GRK7: variants seen among roughly 807,000 people sequenced by gnomAD.
The protein encoded by GRK7 is G protein-coupled receptor kinase 7.
Under a neutral mutation model 34.1 loss-of-function variants are expected in GRK7, and 24 were observed. The observed-to-expected ratio is 0.70, with a 90% CI of 0.51 to 0.99. The LOEUF is 0.99. Among genes scored for constraint, GRK7 ranks in the 50% least tolerant of loss-of-function variants. The probability of loss-of-function intolerance (pLI) is 0.00; values close to 1 mark genes in which losing one functional copy is unlikely to be tolerated. For missense variants in GRK7, 644 were observed against 707.3 expected, an observed-to-expected ratio of 0.91 and a Z score of 1.02; for synonymous variants, 256 against 279.4, an observed-to-expected ratio of 0.92 and a Z score of 0.84.
chr3:141,757,129 C>CTTTTTTTTGTTTTTTTTTTTT, the GRK7 span, among the ~76,000 whole-genome samples: 1 of 101,362 alleles, frequency 9.9e-6, no homozygotes, highest in African/African-American at 4.1e-5. Flanking sequence ...AGATCTTCTT[C>CTTTTTTTTGTTTTTTTTTTTT]TTTTTTTTTT....
chr3:141,770,089 A>G (rs986468757), intron 1 of GRK7, among the ~76,000 whole-genome samples: 2 of 151,988 alleles, frequency 1.3e-5, no homozygotes, highest in African/African-American at 4.8e-5. Flanking sequence ...TAATTTTTGT[A>G]TTTTTAGTAA....
chr3:141,778,278 C>T lies in GRK7; in HGVS notation c.-7C>T, dbSNP rs1533500. ...GCTTTCCCTGGGAGTGCGCCCCGTG[C>T]TCAGCCATGGTGGACATGGGGGCCC... is the stretch of plus-strand genomic sequence containing the variant. On this transcript the variant is annotated 5_prime_UTR_variant, in exon 3 of 6. Coordinates refer to ENST00000682958, the MANE Select transcript of GRK7 (RefSeq NM_139209.3). The surrounding 1 kb of genome is among the most constrained non-coding windows in gnomAD (Gnocchi z 4.1). 3,915 of 1,550,760 alleles carry T rather than the reference C, an allele frequency of 2.5e-3. 55 individuals are homozygous for T. The African/African-American group carries it at 0.037, about 15-fold the overall frequency.
Position 141,818,694 on chromosome 3 carries a change from G to A in GRK7, c.*1644G>A, listed in dbSNP as rs924074646. 6.6e-6 allele frequency among the ~76,000 whole-genome samples: 1 copy of A among 152,116 alleles called. No homozygotes were observed. Among genetic ancestry groups the A allele is most frequent in the Non-Finnish European group, 1.5e-5 (1 of 68,034 alleles). On this transcript the variant is annotated 3_prime_UTR_variant, in exon 6 of 6. Coordinates refer to ENST00000682958, the MANE Select transcript of GRK7 (RefSeq NM_139209.3). ...TGATATTTTTTAAAAGGATGTATGTGCACATAATAAAATCTAAATTTATCC... is the reference window on the plus strand; with the variant it reads ...TGATATTTTTTAAAAGGATGTATGTACACATAATAAAATCTAAATTTATCC...
chr3:141,770,199 G>C (rs959402338), intron 1 of GRK7, among the ~76,000 whole-genome samples: 1 of 152,152 alleles, frequency 6.6e-6, no homozygotes, highest in Non-Finnish European at 1.5e-5. Flanking sequence ...GGCTGTTCTA[G>C]AGGTAGGTAT....
At chr3:141,790,315 T>C (rs2084718278) in intron 4 of GRK7, among the ~76,000 whole-genome samples, 1 of 151,918 alleles carries the variant, frequency 6.6e-6, no homozygotes, top group African/African-American at 2.4e-5. Context: ...TGGTTTTTAA[T>C]GCTATAAAAG....
At chr3:141,785,930 C>T (rs1251836888) in intron 4 of GRK7, among the ~76,000 whole-genome samples, 1 of 111,332 alleles carries the variant, frequency 9.0e-6, no homozygotes, top group Non-Finnish European at 1.8e-5. Context: ...CAGAACAATA[C>T]CCTGTCTCAA....
At chr3:141,775,553 A>C (rs1422333627) in intron 2 of GRK7, among the ~76,000 whole-genome samples, 2 of 152,158 alleles carry the variant, frequency 1.3e-5, no homozygotes, top group African/African-American at 4.8e-5. Flanking sequence ...ACATGTGGCT[A>C]CTTATTTCAA....
the GRK7 span, among the ~76,000 whole-genome samples, chr3:141,754,448 T>TG: frequency 1.3e-5 from 2 of 150,972 alleles, no homozygotes; most frequent in Non-Finnish European, 3.0e-5. Flanking sequence ...TTTTTTTTTT[T>TG]TTTTGAGACA....
chr3:141,797,232 C>T lies in GRK7; in HGVS notation c.1051-10413C>T, dbSNP rs1358812603. On this transcript the variant is annotated intron_variant, in intron 4 of 5. Transcript: ENST00000682958. ...AGGAAGCCGCCTCTGATGGGATGCG[C>T]CCTCCCCGCCCAGGAAGTGGCGGCA... is the stretch of plus-strand genomic sequence containing the variant. Among the ~76,000 whole-genome samples, 3 of 152,224 alleles carry T rather than the reference C, an allele frequency of 2.0e-5. No individual in the cohort carries two copies. In the East Asian group the frequency reaches 5.8e-4, roughly 29 times the overall value.
chr3:141,776,498 G>A (rs1337202375), intron 2 of GRK7, among the ~76,000 whole-genome samples: 1 of 152,110 alleles, frequency 6.6e-6, no homozygotes, highest in Admixed American at 6.5e-5. Flanking sequence ...GAACAGAAAA[G>A]TATCCAACAT....
At chr3:141,785,788 A>G (rs1402664792) in intron 4 of GRK7, among the ~76,000 whole-genome samples, 1 of 133,312 alleles carries the variant, frequency 7.5e-6, no homozygotes, top group Non-Finnish European at 1.5e-5. Context: ...ATTGTTTTAA[A>G]CTTAGCCAGG....
intron 4 of GRK7, among the ~76,000 whole-genome samples, chr3:141,806,888 A>G (rs1711042116): frequency 6.6e-6 from 1 of 151,972 alleles, no homozygotes; most frequent in Admixed American, 6.6e-5. Context: ...TGGGTAATTT[A>G]CCATACACAC....
Position 141,780,592 on chromosome 3 carries a change from G to T in GRK7, c.831G>T (p.Lys277Asn). 1 of 1,614,220 alleles carries T rather than the reference G, an allele frequency of 6.2e-7. No individual in the cohort carries two copies. Among genetic ancestry groups the T allele is most frequent in the Non-Finnish European group, 8.5e-7 (1 of 1,180,048 alleles). The change falls in exon 4 of 6, where the codon AAG (lysine) becomes AAT (asparagine). Residue 277 changes from lysine (K) to asparagine (N), a missense_variant. By Grantham distance (94) the Lys-to-Asn change is moderately conservative (BLOSUM62 0). Coordinates refer to ENST00000682958, the MANE Select transcript of GRK7 (RefSeq NM_139209.3). ...GCCTGATGAATGGGGGAGACCTCAA[G>T]TTCCACATCTACAACGTGGGCACGC... ...VMSLMNGGDL[K>N]FHIYNVGTRG...
At chr3:141,759,086 T>A (rs1314700307), upstream of GRK7, among the ~76,000 whole-genome samples, 2 of 143,484 alleles carry the variant, frequency 1.4e-5, no homozygotes, top group Admixed American at 7.2e-5. Flanking sequence ...AGATAAACAA[T>A]CATGTCGTCT....
rs541261332 is a variant in GRK7, at chr3:141,804,652, TAC to T, written c.1051-2985_1051-2984del. On this transcript the variant is annotated intron_variant, in intron 4 of 5. Coordinates refer to ENST00000682958, the MANE Select transcript of GRK7 (RefSeq NM_139209.3). ...ACACACACTCACACACATGCACATA[TAC>T]ACACACATACACATGCACAGATACA... Among the ~76,000 whole-genome samples the T allele has an allele frequency of 2.8e-4, 41 of 146,300 alleles. No individual in the cohort carries two copies. In the South Asian group the frequency reaches 5.3e-3, roughly 19 times the overall value.
chr3:141,808,232 G>C (rs1711056525), intron 5 of GRK7, among the ~76,000 whole-genome samples: 1 of 152,172 alleles, frequency 6.6e-6, no homozygotes. Flanking sequence ...GGTTATGTCA[G>C]ATGAAGGGAA....
chr3:141,774,324 A>T (rs564104261), intron 1 of GRK7, among the ~76,000 whole-genome samples: 57 of 152,234 alleles, frequency 3.7e-4, no homozygotes, highest in African/African-American at 1.1e-3. Context: ...CGGGAGGCTG[A>T]GGTAGGAGGA....
At position 141,803,956 on chromosome 3, in the gene GRK7, G is replaced by A. The variant is rs894316447; in HGVS notation, c.1051-3689G>A. On this transcript the variant is annotated intron_variant, in intron 4 of 5. Transcript: ENST00000682958. ...CAACTCCTGATCTCATGATCCGCCC[G>A]CCTCAGCCTCACAAAGTGCTGGGAT... 5.9e-5 allele frequency among the ~76,000 whole-genome samples: 9 copies of A among 152,122 alleles called. No homozygotes were observed. In the South Asian group the frequency reaches 1.0e-3, roughly 18 times the overall value.
the GRK7 span, among the ~76,000 whole-genome samples, chr3:141,753,823 A>G: frequency 3.9e-4 from 59 of 152,352 alleles, no homozygotes; most frequent in African/African-American, 1.0e-3. Flanking sequence ...CTATATTAAC[A>G]TAATTGGTAC....
Sources: gnomAD v4.1 joint callset for allele counts (sites outside exome capture counted in the v4.1 genomes callset) on GRCh38, gnomAD v4.1.1 for gene constraint, Gnocchi (gnomAD v3.1) non-coding constraint, MANE v1.5 for transcripts, NCBI Gene and HGNC (gene_info 2026-07-23, HGNC 2026-07-21) for gene names.